FBXW10: variants seen among roughly 807,000 people sequenced by gnomAD.
The protein encoded by FBXW10 is F-box/WD repeat-containing protein 10.
A neutral mutation model predicts 113.1 loss-of-function variants in FBXW10; 68 were observed. The observed-to-expected ratio is 0.60, with a 90% confidence interval of 0.49 to 0.74. The LOEUF (loss-of-function observed/expected upper bound fraction) is 0.74, where lower values mean the gene tolerates loss of function less well. FBXW10 is among the 30% of genes least tolerant of loss of function. The pLI is 0.00. For synonymous variants in FBXW10, 289 were observed against 481.6 expected, an observed-to-expected ratio of 0.60 and a Z score of 5.24; for missense variants, 753 against 1,284.5, an observed-to-expected ratio of 0.59 and a Z score of 6.32.
chr17:18,750,440 G>A (rs1426596603), intron 4 of FBXW10, among the ~76,000 whole-genome samples: 115 of 151,618 alleles, frequency 7.6e-4, no homozygotes, highest in African/African-American at 2.7e-3. Context: ...TTATATTGCA[G>A]CTTATGCAGC....
intron 12 of FBXW10, 72 bp downstream of exon 12, chr17:18,772,755 G>A: frequency 1.5e-6 from 2 of 1,319,658 alleles, no homozygotes; most frequent in African/African-American, 1.5e-5. Flanking sequence ...GGGGTGGTGG[G>A]AGACGGGGAG....
In FBXW10 at chr17:18,766,787, T is replaced by C. The variant is rs550631486; in HGVS notation, c.1629T>C (p.Asn543=). ...HKDPILATRI[N]DTYIVSSCER... ...ACCCCATCTTGGCCACCAGGATCAATGATACCTACATTGTGAGCAGCTGTG... is the reference window on the plus strand; with the variant it reads ...ACCCCATCTTGGCCACCAGGATCAACGATACCTACATTGTGAGCAGCTGTG... Residue 543 remains asparagine (N), a synonymous_variant, in exon 9 of 14, where the codon AAT becomes AAC. Coordinates refer to ENST00000395665, the MANE Select transcript of FBXW10 (RefSeq NM_001267585.2). 1.7e-4 allele frequency: 280 copies of C among 1,612,624 alleles called. No individual in the cohort carries two copies. In the South Asian group the frequency reaches 2.6e-3, roughly 15 times the overall value.
At chr17:18,762,382 A>G (rs1021463587) in intron 7 of FBXW10, among the ~76,000 whole-genome samples, 3 of 143,760 alleles carry the variant, frequency 2.1e-5, no homozygotes, top group Admixed American at 7.2e-5. Flanking sequence ...CTGTGACGCG[A>G]TCTCGGCTCA....
chr17:18,772,555 CTAAGTG>C lies in FBXW10; in HGVS notation c.2154_2159del (p.Lys718_Cys719del), dbSNP rs775158775. 1.2e-6 allele frequency: 2 copies of C among 1,614,062 alleles called. No individual in the cohort carries two copies. The highest frequency in any genetic ancestry group is 1.7e-6 in the Non-Finnish European group (2 of 1,179,906). ...GAAAATAGTCTCATGGAAATTCTCTCTAAGTGTAATATTCAGGTTCACAGCCCAAGA... is the reference window on the plus strand; with the variant it reads ...GAAAATAGTCTCATGGAAATTCTCTCTAATATTCAGGTTCACAGCCCAAGA... On this transcript the variant is annotated inframe_deletion, in exon 12 of 14. Transcript: ENST00000395665.
At chr17:18,748,210 G>C (rs1276467950) in intron 2 of FBXW10, 105 bp downstream of exon 2, 2 of 1,529,544 alleles carry the variant, frequency 1.3e-6, no homozygotes, top group East Asian at 2.4e-5. Context: ...ATGAGGTCAG[G>C]AGATCGAGAC....
chr17:18,752,177 G>C (rs2035183436), intron 5 of FBXW10, among the ~76,000 whole-genome samples: 1 of 152,136 alleles, frequency 6.6e-6, no homozygotes, highest in Non-Finnish European at 1.5e-5. Flanking sequence ...GAGGAGACGG[G>C]TCGTGTGGGC....
At chr17:18,762,097 G>A (rs560040047) in intron 7 of FBXW10, among the ~76,000 whole-genome samples, 1 of 151,650 alleles carries the variant, frequency 6.6e-6, no homozygotes, top group Non-Finnish European at 1.5e-5. Context: ...CGAGTAGCTG[G>A]GACTACAGGC....
intron 2 of FBXW10, 134 bp from the exon 3 acceptor site, chr17:18,749,588 C>T: frequency 9.0e-7 from 1 of 1,109,732 alleles, no homozygotes; most frequent in Non-Finnish European, 1.3e-6. Flanking sequence ...GAAGAGATGA[C>T]AAAAATCTAG....
At chr17:18,753,770 A>G (rs1370160587) in intron 5 of FBXW10, among the ~76,000 whole-genome samples, 2 of 151,986 alleles carry the variant, frequency 1.3e-5, no homozygotes, top group African/African-American at 4.8e-5. Context: ...GCTACCCGGG[A>G]GGCTGAGGCA....
chr17:18,744,617 T>C lies in FBXW10; in HGVS notation c.373T>C (p.Phe125Leu). 3 of 1,613,948 alleles carry C rather than the reference T, an allele frequency of 1.9e-6. No individual in the cohort carries two copies. The highest frequency in any genetic ancestry group is 1.1e-5 in the South Asian group (1 of 91,060). ...EQKMKEILYW[F>L]ANSTQWTKAN... Reference sequence around the variant, plus strand: ...GAAGATGAAAGAGATCTTGTACTGGTTTGCGAACAGCACCCAGTGGACCAA... The same window carrying C: ...GAAGATGAAAGAGATCTTGTACTGGCTTGCGAACAGCACCCAGTGGACCAA... The change falls in exon 1 of 14, where the codon TTT (phenylalanine) becomes CTT (leucine). Residue 125 changes from phenylalanine to leucine, a missense_variant. Coordinates refer to ENST00000395665, the MANE Select transcript of FBXW10 (RefSeq NM_001267585.2).
chr17:18,753,395 C>T (rs1431180885), intron 5 of FBXW10, among the ~76,000 whole-genome samples: 2 of 152,018 alleles, frequency 1.3e-5, no homozygotes, highest in Non-Finnish European at 2.9e-5. Context: ...CAAAGAGACA[C>T]AGAAGCAGTC....
intron 6 of FBXW10, among the ~76,000 whole-genome samples, chr17:18,756,819 G>C (rs1320279070): frequency 6.6e-6 from 1 of 152,132 alleles, no homozygotes; most frequent in Non-Finnish European, 1.5e-5. Context: ...ACAAGGTTTT[G>C]CAAAGTCCAC....
At chr17:18,771,487 G>A (rs1177823461) in intron 11 of FBXW10, among the ~76,000 whole-genome samples, 7 of 152,138 alleles carry the variant, frequency 4.6e-5, no homozygotes. Context: ...TGTCTATGGA[G>A]CATTAAAGTG....
At chr17:18,746,226 C>A (rs1342504474) in intron 1 of FBXW10, among the ~76,000 whole-genome samples, 2 of 152,204 alleles carry the variant, frequency 1.3e-5, no homozygotes, top group African/African-American at 4.8e-5. Context: ...TCAAGCCTTA[C>A]TTCCAGCACT....
rs527253743 is a variant in FBXW10 at position 18,748,986 on chromosome 17, C to T, written c.671-736C>T. Among the ~76,000 whole-genome samples the T allele has an allele frequency of 1.3e-4, 20 of 152,272 alleles. No homozygotes were observed. The South Asian group carries it at 4.1e-3, about 32-fold the overall frequency. On this transcript the variant is annotated intron_variant, in intron 2 of 13. Coordinates refer to ENST00000395665, the MANE Select transcript of FBXW10 (RefSeq NM_001267585.2). ...AATACAAGGCATAGATTCTAAAACA[C>T]TTTTATATGGAAAATTTCAAATTTC...
At position 18,752,211 on chromosome 17, in the gene FBXW10, T is replaced by C. The variant is rs1415238551; in HGVS notation, c.1122+1158T>C. Reference sequence around the variant, plus strand: ...GCAGTAGCGGACGGTGTGGCTGTCATGGACTGGACAGTTCACCTGCATCTG... The same window carrying C: ...GCAGTAGCGGACGGTGTGGCTGTCACGGACTGGACAGTTCACCTGCATCTG... On this transcript the variant is annotated intron_variant, in intron 5 of 13. Coordinates refer to ENST00000395665, the MANE Select transcript of FBXW10 (RefSeq NM_001267585.2). 2.6e-5 allele frequency among the ~76,000 whole-genome samples: 4 copies of C among 152,174 alleles called. No individual in the cohort carries two copies. The East Asian group carries it at 5.8e-4, about 22-fold the overall frequency.
intron 7 of FBXW10, among the ~76,000 whole-genome samples, chr17:18,762,152 C>T (rs1430546372): frequency 7.4e-5 from 11 of 149,552 alleles, no homozygotes; most frequent in Non-Finnish European, 1.2e-4. Flanking sequence ...TTAGTAGAGA[C>T]GGGGTTTCAC....
chr17:18,773,213 G>A (rs1395868282), intron 12 of FBXW10, among the ~76,000 whole-genome samples: 1 of 151,986 alleles, frequency 6.6e-6, no homozygotes, highest in Non-Finnish European at 1.5e-5. Flanking sequence ...GATTACAGGT[G>A]TGGGCCACCG....
At chr17:18,775,057 C>A in intron 12 of FBXW10, 79 bp from the exon 13 acceptor site, 1 of 883,476 alleles carries the variant, frequency 1.1e-6, no homozygotes, top group Non-Finnish European at 1.8e-6. Flanking sequence ...ATTATCAGCC[C>A]CATTATTATT....
Sources: allele counts gnomAD v4.1 joint callset (sites outside exome capture counted in the v4.1 genomes callset), GRCh38; gene constraint gnomAD v4.1.1; transcripts MANE v1.5; gene names NCBI Gene and HGNC (gene_info 2026-07-23, HGNC 2026-07-21).